Variants in YJU2 observed in about 807,000 individuals in gnomAD.
YJU2 encodes the protein YJU2 splicing factor homolog.
Under a neutral mutation model 39.6 loss-of-function variants are expected in YJU2, and 28 were observed. That is an observed-to-expected ratio of 0.71 (90% CI 0.52 to 0.97). The LOEUF (loss-of-function observed/expected upper bound fraction) is 0.97. Ranked by LOEUF, YJU2 falls within the 50% of genes least tolerant of loss-of-function variation. The probability of loss-of-function intolerance (pLI) is 0.00; values close to 1 mark genes in which losing one functional copy is unlikely to be tolerated. For missense variants in YJU2, 328 were observed against 430.4 expected (o/e 0.76, Z 2.11); for synonymous variants, 184 against 182.4 (o/e 1.01, Z -0.07).
chr19:4,265,975 A>G (rs1230942705), intron 6 of YJU2, among the ~76,000 whole-genome samples: 3 of 134,278 alleles, frequency 2.2e-5, no homozygotes, highest in African/African-American at 8.5e-5. Flanking sequence ...TTTTTTCGAG[A>G]CGGCGTCTCG....
chr19:4,263,088 A>AC (rs1030624462), intron 6 of YJU2, among the ~76,000 whole-genome samples: 4 of 151,858 alleles, frequency 2.6e-5, no homozygotes, highest in Admixed American at 6.6e-5. Context: ...AAAAAAAAAA[A>AC]AAAACTTAAT....
chr19:4,252,239 C>T (rs1341783618), intron 3 of YJU2, among the ~76,000 whole-genome samples: 2 of 151,410 alleles, frequency 1.3e-5, no homozygotes, highest in Non-Finnish European at 2.9e-5. Flanking sequence ...GCAAGTGGAT[C>T]AGTTGAGGTC....
At chr19:4,256,895 T>A (rs1037216730) in intron 4 of YJU2, among the ~76,000 whole-genome samples, 3 of 152,172 alleles carry the variant, frequency 2.0e-5, no homozygotes, top group Admixed American at 6.6e-5. Context: ...TACATCCTAG[T>A]CTCAGAAGTT....
chr19:4,255,409 C>T (rs1014935917), intron 4 of YJU2, among the ~76,000 whole-genome samples: 1 of 151,796 alleles, frequency 6.6e-6, no homozygotes, highest in Non-Finnish European at 1.5e-5. Flanking sequence ...CATAGTGAGA[C>T]TCTGTCTCTA....
Position 4,247,651 on chromosome 19 carries a change from GTGTGTGTGTGTGTGT to G in YJU2, c.24+482_24+496del, listed in dbSNP as rs1568359682. On this transcript the variant is annotated intron_variant, in intron 1 of 7. Transcript: ENST00000262962. Reference sequence around the variant, plus strand: ...TGTGTGTGTGTGTGTGTGTGTGTGTGTGTGTGTGTGTGTGTGTGTGTGTGTGTGTGTGTGTGTGTG... The same window carrying G: ...TGTGTGTGTGTGTGTGTGTGTGTGTGGTGTGTGTGTGTGTGTGTGTGTGTG... Among the ~76,000 whole-genome samples, 84 of 70,094 alleles carry G rather than the reference GTGTGTGTGTGTGTGT, an allele frequency of 1.2e-3. 4 individuals are homozygous for G. The highest frequency in any genetic ancestry group is 2.8e-3 in the South Asian group (4 of 1,448). 46.0% of individuals were successfully genotyped at this position (70,094 alleles called of 152,430 possible).
At chr19:4,268,408 G>A (rs1466021872) in intron 7 of YJU2, among the ~76,000 whole-genome samples, 176 bp from the exon 8 acceptor site, 4 of 152,194 alleles carry the variant, frequency 2.6e-5, no homozygotes, top group Non-Finnish European at 5.9e-5. Flanking sequence ...GTTGAGTCCC[G>A]GGTGTGCAGA....
intron 4 of YJU2, among the ~76,000 whole-genome samples, chr19:4,256,860 G>C (rs538203164): frequency 2.5e-4 from 38 of 152,290 alleles, no homozygotes; most frequent in African/African-American, 8.9e-4. Context: ...CCAAGAGTGA[G>C]AGCAAGGAGG....
rs550745554 is a variant in YJU2, at chr19:4,256,737, C to T, written c.406-1505C>T. Among the ~76,000 whole-genome samples, 8 of 152,278 alleles carry T rather than the reference C, an allele frequency of 5.3e-5. No homozygotes were observed. In the South Asian group the frequency reaches 6.2e-4, roughly 12 times the overall value. On this transcript the variant is annotated intron_variant, in intron 4 of 7. Transcript: ENST00000262962. Reference sequence around the variant, plus strand: ...CTGGACTGGGGCTGGAGGAGCCACTCGCAAACTGGCTCCCTCTACTGGCTG... The same window carrying T: ...CTGGACTGGGGCTGGAGGAGCCACTTGCAAACTGGCTCCCTCTACTGGCTG...
chr19:4,260,106 G>A (rs1430388835), intron 5 of YJU2, among the ~76,000 whole-genome samples: 3 of 152,052 alleles, frequency 2.0e-5, no homozygotes, highest in Non-Finnish European at 2.9e-5. Context: ...CACTGCCCTC[G>A]GTGGACACGG....
chr19:4,260,355 G>A (rs573546179), intron 5 of YJU2, among the ~76,000 whole-genome samples: 3 of 152,196 alleles, frequency 2.0e-5, no homozygotes, highest in East Asian at 1.9e-4. Flanking sequence ...CTGAACCCGG[G>A]AGGCAGAGGT....
Position 4,267,791 on chromosome 19 carries a change from C to T in YJU2, c.859+17C>T, listed in dbSNP as rs576016566. ...CCACCCCAGGTAAGGTCACAGAGTTCCCAGAGCCGGGCGCGGTTTCTATAG... is the reference window on the plus strand; with the variant it reads ...CCACCCCAGGTAAGGTCACAGAGTTTCCAGAGCCGGGCGCGGTTTCTATAG... On this transcript the variant is annotated intron_variant, in intron 7 of 7. Transcript: ENST00000262962. The T allele has an allele frequency of 1.2e-6, 2 of 1,604,174 alleles. No homozygotes were observed. Among genetic ancestry groups the T allele is most frequent in the African/African-American group, 2.7e-5 (2 of 74,710 alleles).
At chr19:4,255,877 C>T (rs1001157652) in intron 4 of YJU2, among the ~76,000 whole-genome samples, 5 of 151,238 alleles carry the variant, frequency 3.3e-5, no homozygotes, top group South Asian at 2.1e-4. Context: ...CGTGGTGGCA[C>T]GCGCCTATAA....
intron 2 of YJU2, among the ~76,000 whole-genome samples, chr19:4,250,463 G>T (rs956971954): frequency 1.1e-4 from 16 of 152,130 alleles, no homozygotes; most frequent in Admixed American, 6.6e-5. Context: ...AGCCCCTGGG[G>T]CAGTGGCGCA....
In YJU2 at chr19:4,268,822, G is replaced by A. The variant is rs1971139574; in HGVS notation, c.*126G>A. On this transcript the variant is annotated 3_prime_UTR_variant, in exon 8 of 8. Transcript: ENST00000262962. ...CTGGAGGCCGGACAGACAAGCGCCA[G>A]CGTGCTCCAACACATAGGGCCACCA... 1.4e-6 allele frequency: 1 copy of A among 695,112 alleles called. No homozygotes were observed. Among genetic ancestry groups the A allele is most frequent in the Non-Finnish European group, 2.5e-6 (1 of 405,874 alleles). The allele number at this position is 695,112 out of a possible 1,614,324, so 43.1% of individuals were successfully genotyped here.
At chr19:4,267,146 A>C (rs1432895119) in intron 6 of YJU2, among the ~76,000 whole-genome samples, 1 of 152,132 alleles carries the variant, frequency 6.6e-6, no homozygotes, top group Non-Finnish European at 1.5e-5. Flanking sequence ...CCGCAGAGCC[A>C]GCAGTGGGGA....
intron 1 of YJU2, among the ~76,000 whole-genome samples, chr19:4,247,593 GT>G (rs1301939341): frequency 0.021 from 186 of 8,944 alleles, 27 homozygotes; most frequent in Admixed American, 0.031. Flanking sequence ...GTGTGTGTGT[GT>G]GTGTGTGTGT....
At chr19:4,261,880 C>T (rs1971073501) in intron 5 of YJU2, 114 bp from the exon 6 acceptor site, 3 of 1,031,026 alleles carry the variant, frequency 2.9e-6, no homozygotes, top group Non-Finnish European at 4.3e-6. Context: ...CCCCTGCTCA[C>T]TGAGGGCAGG....
chr19:4,264,261 CAA>C (rs748910280), intron 6 of YJU2, among the ~76,000 whole-genome samples: 55 of 43,942 alleles, frequency 1.3e-3, no homozygotes, highest in Middle Eastern at 0.018. Context: ...GACTCTGTCT[CAA>C]AAAAAAAAAA....
intron 3 of YJU2, 59 bp downstream of exon 3, chr19:4,251,230 G>A (rs1970974290): frequency 7.1e-6 from 11 of 1,539,054 alleles, no homozygotes; most frequent in Middle Eastern, 2.2e-4. Flanking sequence ...AGATCAGGGC[G>A]GGCCCTGGGG....
Sources: allele counts gnomAD v4.1 joint callset (sites outside exome capture counted in the v4.1 genomes callset), GRCh38; gene constraint gnomAD v4.1.1; transcripts MANE v1.5; gene names NCBI Gene and HGNC (gene_info 2026-07-23, HGNC 2026-07-21).